Variants in CNTN1 observed in about 807,000 individuals in gnomAD.
The protein encoded by CNTN1 is contactin 1.
CNTN1 carries 38 observed loss-of-function variants against 126.4 expected under a neutral mutation model. The ratio of observed to expected loss-of-function variants is 0.30; its 90% CI spans 0.23 to 0.39. The LOEUF is 0.39. Among genes scored for constraint, CNTN1 ranks in the 10% least tolerant of loss-of-function variants. CNTN1 has a pLI of 1.00. For missense variants in CNTN1, 1,009 were observed against 1,248.4 expected (o/e 0.81, Z 2.89); for synonymous variants, 413 against 422.6 (o/e 0.98, Z 0.28).
chr12:40,703,314 G>A (rs937431599), intron 1 of CNTN1, among the ~76,000 whole-genome samples: 2 of 152,036 alleles, frequency 1.3e-5, no homozygotes, highest in African/African-American at 4.8e-5. Context: ...AAATATTTCA[G>A]TTATTTTTGG....
chr12:40,775,181 C>G (rs939763540), intron 1 of CNTN1, among the ~76,000 whole-genome samples: 2 of 151,096 alleles, frequency 1.3e-5, no homozygotes, highest in African/African-American at 4.8e-5. Flanking sequence ...GGTTATTTAT[C>G]TTGATCTACT....
At chr12:40,836,513 C>A (rs976253004) in intron 1 of CNTN1, among the ~76,000 whole-genome samples, 1 of 151,720 alleles carries the variant, frequency 6.6e-6, no homozygotes, top group African/African-American at 2.4e-5. Context: ...GCAAAACAGT[C>A]TATTGAAAAA....
At chr12:41,041,107 G>C (rs80103172) in intron 23 of CNTN1, among the ~76,000 whole-genome samples, 332 of 117,932 alleles carry the variant, frequency 2.8e-3, no homozygotes, top group African/African-American at 5.9e-3. Flanking sequence ...CTAATTTATT[G>C]AGAGTTTTTA....
At chr12:40,715,619 C>T (rs1279948113) in intron 1 of CNTN1, among the ~76,000 whole-genome samples, 3 of 152,084 alleles carry the variant, frequency 2.0e-5, no homozygotes, top group South Asian at 2.1e-4. Flanking sequence ...GTTAGGGTCT[C>T]AAGTTTTTAT....
At chr12:41,021,490 A>G (rs1948910400) in intron 20 of CNTN1, among the ~76,000 whole-genome samples, 1 of 152,192 alleles carries the variant, frequency 6.6e-6, no homozygotes, top group Non-Finnish European at 1.5e-5. Context: ...CAGGCTCTAA[A>G]TAGATATTAA....
intron 14 of CNTN1, among the ~76,000 whole-genome samples, chr12:40,947,594 C>T (rs576982951): frequency 2.0e-5 from 3 of 151,894 alleles, no homozygotes; most frequent in South Asian, 4.2e-4. Flanking sequence ...TTTTATTCCT[C>T]TTTCAAGGTG....
intron 1 of CNTN1, among the ~76,000 whole-genome samples, chr12:40,866,561 G>T (rs1404127817): frequency 6.6e-6 from 1 of 151,942 alleles, no homozygotes; most frequent in African/African-American, 2.4e-5. Context: ...ATCTATGCAG[G>T]GTGATCATAT....
At chr12:40,830,791 GTATATA>G (rs10592423) in intron 1 of CNTN1, among the ~76,000 whole-genome samples, 13,184 of 75,390 alleles carry the variant, frequency 0.17, 1,236 homozygotes, top group East Asian at 0.25. Context: ...AAAGTATAGT[GTATATA>G]TATATATATA....
rs112929899 is a variant in CNTN1, at chr12:41,026,306, T to G, written c.2710+970T>G. ...TGCTATTCTCGCATGGTTTACAAGC[T>G]AATGAAATGAGATAGAAACTTCAAA... On this transcript the variant is annotated intron_variant, in intron 21 of 23. Coordinates refer to ENST00000551295, the MANE Select transcript of CNTN1 (RefSeq NM_001843.4). 7.5e-3 allele frequency among the ~76,000 whole-genome samples: 1,145 copies of G among 152,242 alleles called. 12 individuals are homozygous for G. The highest frequency in any genetic ancestry group is 0.026 in the African/African-American group (1,063 of 41,536).
intron 1 of CNTN1, among the ~76,000 whole-genome samples, chr12:40,822,078 T>C (rs1162012073): frequency 6.6e-6 from 1 of 151,670 alleles, no homozygotes; most frequent in African/African-American, 2.4e-5. Context: ...GAAGTAACTA[T>C]GATCCTGAAT....
intron 1 of CNTN1, among the ~76,000 whole-genome samples, chr12:40,809,792 G>A (rs958323260): frequency 2.8e-5 from 4 of 141,938 alleles, no homozygotes; most frequent in African/African-American, 1.1e-4. Context: ...CTCCAGCCTG[G>A]GCAACAGAGT....
intron 16 of CNTN1, among the ~76,000 whole-genome samples, chr12:40,985,744 G>T (rs890261422): frequency 3.9e-5 from 6 of 152,044 alleles, no homozygotes; most frequent in African/African-American, 1.5e-4. Context: ...AAAATTCTTA[G>T]CCATTCATTA....
chr12:40,745,824 G>A (rs1471930647), intron 1 of CNTN1, among the ~76,000 whole-genome samples: 2 of 152,074 alleles, frequency 1.3e-5, no homozygotes, highest in Non-Finnish European at 2.9e-5. Flanking sequence ...TATCTGTCAT[G>A]TGATGTTATG....
chr12:40,965,104 CAT>C (rs550235796), intron 15 of CNTN1, among the ~76,000 whole-genome samples: 208 of 152,232 alleles, frequency 1.4e-3, no homozygotes, highest in Middle Eastern at 3.4e-3. Flanking sequence ...ATTGGCAAAT[CAT>C]GTGTTAGTTA....
chr12:40,913,723 T>C (rs1945132493), intron 3 of CNTN1, among the ~76,000 whole-genome samples: 1 of 152,154 alleles, frequency 6.6e-6, no homozygotes, highest in Non-Finnish European at 1.5e-5. Context: ...GGTGAAGTAA[T>C]CCCATTTGAG....
chr12:40,712,581 A>G (rs1941946629), intron 1 of CNTN1, among the ~76,000 whole-genome samples: 1 of 152,136 alleles, frequency 6.6e-6, no homozygotes, highest in African/African-American at 2.4e-5. Flanking sequence ...AGCTTAGAGC[A>G]AGCCCAACCA....
chr12:40,824,630 T>G (rs1941549354), intron 1 of CNTN1, among the ~76,000 whole-genome samples: 1 of 152,168 alleles, frequency 6.6e-6, no homozygotes, highest in Non-Finnish European at 1.5e-5. Flanking sequence ...ATATTTAAGT[T>G]GATTTTTACG....
intron 1 of CNTN1, among the ~76,000 whole-genome samples, chr12:40,755,176 G>T (rs1938550292): frequency 9.5e-6 from 1 of 105,540 alleles, no homozygotes; most frequent in African/African-American, 4.0e-5. Context: ...GGGCAACAGA[G>T]TGAGACCCCA....
intron 1 of CNTN1, among the ~76,000 whole-genome samples, chr12:40,816,374 C>A (rs376542725): frequency 3.2e-4 from 49 of 152,236 alleles, no homozygotes; most frequent in African/African-American, 1.2e-3. Context: ...CTGGTTTAGT[C>A]CTGATACGGT....
Sources: gnomAD v4.1 joint callset for allele counts (sites outside exome capture counted in the v4.1 genomes callset) on GRCh38, gnomAD v4.1.1 for gene constraint, MANE v1.5 for transcripts, NCBI Gene and HGNC (gene_info 2026-07-23, HGNC 2026-07-21) for gene names.